The following SCHIP1 variants were observed in gnomAD, a reference collection of about 807,000 sequenced individuals.
SCHIP1 encodes the protein schwannomin interacting protein 1.
A neutral mutation model predicts 29.7 loss-of-function variants in SCHIP1; 8 were observed. The ratio of observed to expected loss-of-function variants is 0.27; its 90% CI spans 0.16 to 0.49. SCHIP1 has a LOEUF of 0.49. SCHIP1 is among the 20% of genes least tolerant of loss of function. SCHIP1 has a pLI of 0.99. For missense variants in SCHIP1, 193 were observed against 294.6 expected, an observed-to-expected ratio of 0.66 and a Z score of 2.52; for synonymous variants, 76 against 94.9, an observed-to-expected ratio of 0.80 and a Z score of 1.16.
the SCHIP1 span, among the ~76,000 whole-genome samples, chr3:159,279,618 G>A: frequency 6.6e-6 from 1 of 152,006 alleles, no homozygotes; most frequent in African/African-American, 2.4e-5. Context: ...CTGTAAACCT[G>A]GTATAGCCTG....
At chr3:159,297,027 T>C in the SCHIP1 span, among the ~76,000 whole-genome samples, 1 of 152,190 alleles carries the variant, frequency 6.6e-6, no homozygotes, top group Non-Finnish European at 1.5e-5. Flanking sequence ...CTTGTCTTTC[T>C]GTGTCTGGCT....
the SCHIP1 span, among the ~76,000 whole-genome samples, chr3:159,729,087 G>A: frequency 1.3e-5 from 2 of 152,072 alleles, no homozygotes; most frequent in Non-Finnish European, 2.9e-5. Context: ...GGCAGAGGTT[G>A]CAGTGAGCTG....
chr3:159,622,714 C>G, the SCHIP1 span, among the ~76,000 whole-genome samples: 5 of 152,006 alleles, frequency 3.3e-5, no homozygotes, highest in Admixed American at 3.3e-4. Flanking sequence ...GTCAGGAGAT[C>G]GAGCCCATCC....
chr3:159,298,668 CAA>C, the SCHIP1 span, among the ~76,000 whole-genome samples: 2 of 152,120 alleles, frequency 1.3e-5, no homozygotes, highest in Admixed American at 1.3e-4. Flanking sequence ...TGAAGCCACT[CAA>C]ACACTTCACA....
the SCHIP1 span, among the ~76,000 whole-genome samples, chr3:159,696,168 A>G: frequency 6.6e-6 from 1 of 152,192 alleles, no homozygotes; most frequent in Non-Finnish European, 1.5e-5. Flanking sequence ...TTGGTTTATA[A>G]CAAATGGTTT....
At chr3:159,453,059 A>G in the SCHIP1 span, among the ~76,000 whole-genome samples, 1 of 152,220 alleles carries the variant, frequency 6.6e-6, no homozygotes, top group Non-Finnish European at 1.5e-5. Flanking sequence ...ATTACAACTG[A>G]ATCCCAACAG....
the SCHIP1 span, among the ~76,000 whole-genome samples, chr3:159,832,083 A>C: frequency 6.6e-6 from 1 of 152,026 alleles, no homozygotes; most frequent in South Asian, 2.1e-4. Flanking sequence ...GCCCCTACAA[A>C]ATCTCTTGGA....
the SCHIP1 span, among the ~76,000 whole-genome samples, chr3:159,366,457 T>A: frequency 1.2e-4 from 18 of 152,342 alleles, no homozygotes; most frequent in Admixed American, 1.0e-3. Flanking sequence ...TGGGTTCAAA[T>A]CCTTGTGTCA....
At chr3:159,391,425 G>A in the SCHIP1 span, among the ~76,000 whole-genome samples, 1 of 152,224 alleles carries the variant, frequency 6.6e-6, no homozygotes, top group Admixed American at 6.5e-5. Flanking sequence ...AGATATCTAG[G>A]TACAGTGGGG....
the SCHIP1 span, among the ~76,000 whole-genome samples, chr3:159,678,881 G>T: frequency 6.6e-6 from 1 of 152,212 alleles, no homozygotes; most frequent in Non-Finnish European, 1.5e-5. Flanking sequence ...GATCTCGTGA[G>T]AACTCACTCA....
chr3:159,475,448 A>G, the SCHIP1 span, among the ~76,000 whole-genome samples: 1 of 152,142 alleles, frequency 6.6e-6, no homozygotes, highest in Non-Finnish European at 1.5e-5. Flanking sequence ...ATGATTGCTA[A>G]TAGGTATAGG....
At chr3:159,860,621 G>A (rs1282598578) in intron 1 of SCHIP1, among the ~76,000 whole-genome samples, 2 of 152,176 alleles carry the variant, frequency 1.3e-5, no homozygotes, top group Admixed American at 1.3e-4. Context: ...AGTTCCCATG[G>A]CAAAGAGTGA....
At chr3:159,644,906 T>G in the SCHIP1 span, among the ~76,000 whole-genome samples, 1 of 151,976 alleles carries the variant, frequency 6.6e-6, no homozygotes, top group Non-Finnish European at 1.5e-5. Flanking sequence ...CCTCCAAGGA[T>G]CTAACACTCT....
chr3:159,765,489 A>G, the SCHIP1 span: 3 of 240,726 alleles, frequency 1.2e-5, no homozygotes, highest in Non-Finnish European at 1.6e-5. Flanking sequence ...ACCAAAAGTC[A>G]GTGCCTGCGG....
the SCHIP1 span, among the ~76,000 whole-genome samples, chr3:159,445,670 A>T: frequency 2.6e-5 from 4 of 152,212 alleles, no homozygotes; most frequent in Admixed American, 2.6e-4. Flanking sequence ...AATGTGGCAC[A>T]TATATACCAT....
the SCHIP1 span, among the ~76,000 whole-genome samples, chr3:159,819,858 T>A: frequency 6.6e-6 from 1 of 152,168 alleles, no homozygotes; most frequent in African/African-American, 2.4e-5. Flanking sequence ...TTCCACAGAT[T>A]CTTCTGCAGG....
chr3:159,547,246 G>A, the SCHIP1 span, among the ~76,000 whole-genome samples: 1 of 152,016 alleles, frequency 6.6e-6, no homozygotes, highest in Non-Finnish European at 1.5e-5. Context: ...CATATCCTTT[G>A]TTGCCCACTT....
chr3:159,622,286 G>A, the SCHIP1 span, among the ~76,000 whole-genome samples: 1 of 152,192 alleles, frequency 6.6e-6, no homozygotes, highest in Non-Finnish European at 1.5e-5. Flanking sequence ...AGACAGCAAT[G>A]TCAACACATC....
the SCHIP1 span, chr3:159,764,848 C>T: frequency 6.3e-7 from 1 of 1,592,890 alleles, no homozygotes; most frequent in Non-Finnish European, 8.5e-7. This position sits in a 1 kb window ranked among gnomAD's most constrained non-coding sequence, Gnocchi z 6.1. Flanking sequence ...CCAGCACGAC[C>T]CCCAGGACCT....
Sources: allele counts gnomAD v4.1 joint callset (sites outside exome capture counted in the v4.1 genomes callset), GRCh38; gene constraint gnomAD v4.1.1; non-coding constraint Gnocchi (gnomAD v3.1); transcripts MANE v1.5; gene names NCBI Gene and HGNC (gene_info 2026-07-23, HGNC 2026-07-21).